The following ZNF783 variants were observed in gnomAD, a reference collection of about 807,000 sequenced individuals.
ZNF783 encodes the protein protein ZNF783.
In ZNF783, 25 loss-of-function variants were observed where a neutral mutation model predicts 31.3. The ratio of observed to expected loss-of-function variants is 0.80; its 90% CI spans 0.58 to 1.11. ZNF783 has a LOEUF of 1.11. ZNF783 is among the 50% of genes most tolerant of loss of function. The pLI, the probability that ZNF783 is intolerant of heterozygous loss-of-function variation, is 0.00. For synonymous variants in ZNF783, 369 were observed against 319.1 expected (o/e 1.16, Z -1.66); for missense variants, 797 against 760.0 (o/e 1.05, Z -0.57).
chr7:149,266,487 C>CT lies in ZNF783; in HGVS notation c.178dup (p.Cys60LeufsTer88). The CT allele has an allele frequency of 6.2e-7, 1 of 1,613,144 alleles. No individual in the cohort carries two copies. The highest frequency in any genetic ancestry group is 8.5e-7 in the Non-Finnish European group (1 of 1,180,028). On this transcript the variant is annotated frameshift_variant, in exon 2 of 6. Transcript: ENST00000434415. LOFTEE classifies it high-confidence loss of function. ...AGGCCTTGGAGAAGAAGGTGGATTC[C>CT]TGCCTGACCCGCTTGCTGACTCTGG...
At chr7:149,267,368 A>G in intron 4 of ZNF783, 146 bp downstream of exon 4, 1 of 1,140,930 alleles carries the variant, frequency 8.8e-7, no homozygotes, top group Non-Finnish European at 1.2e-6. Flanking sequence ...GTACAAGGCC[A>G]CCCTGGGCAG....
chr7:149,267,434 C>T (rs912828086), intron 4 of ZNF783, among the ~76,000 whole-genome samples: 1 of 152,238 alleles, frequency 6.6e-6, no homozygotes, highest in African/African-American at 2.4e-5. Context: ...GGTGGAACAT[C>T]ACACTCACCT....
Position 149,282,629 on chromosome 7 carries a change from ATCAT to A in ZNF783, c.*287_*290del. The A allele has an allele frequency of 2.6e-6, 1 of 378,272 alleles. No homozygotes were observed. The highest frequency in any genetic ancestry group is 4.7e-6 in the Non-Finnish European group (1 of 213,422). 23.4% of individuals were successfully genotyped at this position (378,272 alleles called of 1,614,324 possible). ...GGTACCACAGCCAAGAGGACCAGAG[ATCAT>A]GGCCCTTCCAGTATGGGGGCGATAG... On this transcript the variant is annotated 3_prime_UTR_variant, in exon 6 of 6. Transcript: ENST00000434415.
At chr7:149,276,423 C>G (rs1457601780) in intron 4 of ZNF783, 5 of 986,574 alleles carry the variant, frequency 5.1e-6, no homozygotes, top group Non-Finnish European at 6.0e-6. Flanking sequence ...AAGCAACCGT[C>G]TTTAGGCTTG....
intron 4 of ZNF783, 63 bp downstream of exon 4, chr7:149,267,285 C>T (rs1440112012): frequency 1.3e-6 from 2 of 1,519,292 alleles, no homozygotes; most frequent in African/African-American, 2.8e-5. Context: ...ATCGCCTACC[C>T]TCTCGGGCTT....
At chr7:149,262,413 C>CCCGCGCGAGGGACTCTGG (rs1796947184) in intron 1 of ZNF783, 56 bp downstream of exon 1, 1 of 1,200,932 alleles carries the variant, frequency 8.3e-7, no homozygotes, top group Non-Finnish European at 1.0e-6. Flanking sequence ...GCCGCGTGAG[C>CCCGCGCGAGGGACTCTGG]CCGCGCGAGG....
At chr7:149,266,016 G>A (rs1797054143) in intron 1 of ZNF783, among the ~76,000 whole-genome samples, 1 of 152,182 alleles carries the variant, frequency 6.6e-6, no homozygotes, top group African/African-American at 2.4e-5. Flanking sequence ...GGAGTCACTT[G>A]TTTGAGACTG....
At chr7:149,275,023 C>T (rs1420417446) in intron 4 of ZNF783, among the ~76,000 whole-genome samples, 1 of 152,184 alleles carries the variant, frequency 6.6e-6, no homozygotes, top group Non-Finnish European at 1.5e-5. Flanking sequence ...TTCTTCCAAT[C>T]TATGAACATG....
intron 4 of ZNF783, among the ~76,000 whole-genome samples, chr7:149,268,818 G>A (rs573363037): frequency 6.6e-6 from 1 of 152,272 alleles, no homozygotes; most frequent in Non-Finnish European, 1.5e-5. Context: ...TGGTGTATAT[G>A]TACCACATTT....
chr7:149,270,224 A>G lies in ZNF783; in HGVS notation c.673+3002A>G, dbSNP rs368731595. On this transcript the variant is annotated intron_variant, in intron 4 of 5. Coordinates refer to ENST00000434415, the MANE Select transcript of ZNF783 (RefSeq NM_001195220.2). ...CTTACCCCAGCAACATTTATTGAAT[A>G]GGGAAGGGAGTCTTTTCACCATTGC... is the stretch of plus-strand genomic sequence containing the variant. Among the ~76,000 whole-genome samples the G allele has an allele frequency of 3.3e-5, 5 of 152,350 alleles. No homozygotes were observed. In the East Asian group the frequency reaches 9.6e-4, roughly 29 times the overall value.
intron 4 of ZNF783, among the ~76,000 whole-genome samples, chr7:149,272,897 C>G (rs1446145992): frequency 2.0e-5 from 3 of 151,866 alleles, no homozygotes; most frequent in East Asian, 3.9e-4. Flanking sequence ...CGCACCTTCC[C>G]CCAACCCTTC....
chr7:149,281,507 G>T lies in ZNF783; in HGVS notation c.805G>T (p.Gly269Cys). 2.8e-6 allele frequency: 4 copies of T among 1,439,708 alleles called. No individual in the cohort carries two copies. The highest frequency in any genetic ancestry group is 3.6e-6 in the Non-Finnish European group (4 of 1,103,226). 89.2% of individuals were successfully genotyped at this position (1,439,708 alleles called of 1,614,324 possible). Residue 269 changes from glycine (G) to cysteine (C), a missense_variant and splice_region_variant, in exon 6 of 6, where the codon GGT becomes TGT. Physicochemically the swap from Gly to Cys is radical, Grantham distance 159 (BLOSUM62 -3). Transcript: ENST00000434415. The part of the protein sequence containing the change: ...RVAPAGPEAG[G>C]GVAIKTEAQS... ...ACCAACATAGACTCCTTTGCCAGGT[G>T]GTGGTGTGGCCATCAAGACAGAGGC...
chr7:149,262,332 C>G lies in ZNF783; in HGVS notation c.-2C>G. The G allele has an allele frequency of 3.7e-6, 5 of 1,345,126 alleles. No homozygotes were observed. Among genetic ancestry groups the G allele is most frequent in the Non-Finnish European group, 4.8e-6 (5 of 1,043,618 alleles). The allele number at this position is 1,345,126 out of a possible 1,614,324, so 83.3% of individuals were successfully genotyped here. A position where few individuals can be genotyped will look rare whatever the true frequency, so the allele number is the denominator to read the frequency against. Reference sequence around the variant, plus strand: ...GCAACCCAGCGAGGGACGCGGGCAGCCATGGCCGAAGCGGCGCCTGCCCGG... The same window carrying G: ...GCAACCCAGCGAGGGACGCGGGCAGGCATGGCCGAAGCGGCGCCTGCCCGG... On this transcript the variant is annotated 5_prime_UTR_variant, in exon 1 of 6. Coordinates refer to ENST00000434415, the MANE Select transcript of ZNF783 (RefSeq NM_001195220.2).
chr7:149,268,107 G>T (rs1281127976), intron 4 of ZNF783, among the ~76,000 whole-genome samples: 1 of 152,144 alleles, frequency 6.6e-6, no homozygotes, highest in Non-Finnish European at 1.5e-5. Flanking sequence ...ATAGCACAGC[G>T]AATCTCCAAA....
intron 4 of ZNF783, chr7:149,276,295 C>G: frequency 1.0e-6 from 1 of 970,048 alleles, no homozygotes; most frequent in East Asian, 1.1e-4. Flanking sequence ...TCAGTCACCA[C>G]CTTGTGATGC....
At position 149,266,735 on chromosome 7, in the gene ZNF783, C is replaced by T; in HGVS notation, c.420+5C>T. ...AGCAAGGGGGAGGCCCCCAAGGTAG[C>T]ACCGGGACACCCTGGGGTGGGGGAG... On this transcript the variant is annotated splice_donor_5th_base_variant and intron_variant, in intron 2 of 5. Transcript: ENST00000434415. The T allele has an allele frequency of 1.1e-5, 18 of 1,613,598 alleles. No homozygotes were observed. The highest frequency in any genetic ancestry group is 1.5e-5 in the Non-Finnish European group (18 of 1,179,752).
In ZNF783 at chr7:149,278,454, G is replaced by C. The variant is rs773559096; in HGVS notation, c.729G>C (p.Glu243Asp). The change falls in exon 5 of 6, where the codon GAG becomes GAC. Residue 243 changes from glutamate to aspartate, a missense_variant. Coordinates refer to ENST00000434415, the MANE Select transcript of ZNF783 (RefSeq NM_001195220.2). ...GCCCACTTAGCCCTGCCCAGGAGGAGCTGAAAGAAGGGCAGGCCCCCAAGC... is the reference window on the plus strand; with the variant it reads ...GCCCACTTAGCCCTGCCCAGGAGGACCTGAAAGAAGGGCAGGCCCCCAAGC... ...LTSPLSPAQEELKEGQAPKQQ... is the reference protein window; with the variant it reads ...LTSPLSPAQEDLKEGQAPKQQ... 6.3e-7 allele frequency: 1 copy of C among 1,599,196 alleles called. No homozygotes were observed. Among genetic ancestry groups the C allele is most frequent in the African/African-American group, 1.3e-5 (1 of 74,858 alleles).
chr7:149,278,611 C>CTGG, intron 5 of ZNF783, 84 bp downstream of exon 5: 1 of 1,571,438 alleles, frequency 6.4e-7, no homozygotes. Flanking sequence ...AGGAAAAGCC[C>CTGG]TGGAAGCATG....
Position 149,266,739 on chromosome 7 carries a change from G to C in ZNF783, c.420+9G>C. The C allele has an allele frequency of 1.2e-6, 2 of 1,613,482 alleles. No individual in the cohort carries two copies. Among genetic ancestry groups the C allele is most frequent in the Non-Finnish European group, 1.7e-6 (2 of 1,179,716 alleles). On this transcript the variant is annotated intron_variant, in intron 2 of 5. Transcript: ENST00000434415. The stretch of plus-strand genomic sequence containing the variant: ...AGGGGGAGGCCCCCAAGGTAGCACC[G>C]GGACACCCTGGGGTGGGGGAGCTCG...
Sources: allele counts gnomAD v4.1 joint callset (sites outside exome capture counted in the v4.1 genomes callset), GRCh38; gene constraint gnomAD v4.1.1; transcripts MANE v1.5; gene names NCBI Gene and HGNC (gene_info 2026-07-23, HGNC 2026-07-21).